The following TAB1 variants were observed in gnomAD, a reference collection of about 807,000 sequenced individuals.
TAB1 encodes the protein TGF-beta activated kinase 1 (MAP3K7) binding protein 1.
In TAB1, 30 loss-of-function variants were observed where a neutral mutation model predicts 54.5. That is an observed-to-expected ratio of 0.55 (90% CI 0.41 to 0.75). The LOEUF (loss-of-function observed/expected upper bound fraction) is 0.75. Ranked by LOEUF, TAB1 falls within the 30% of genes least tolerant of loss-of-function variation. TAB1 has a pLI of 0.00. For synonymous variants in TAB1, 289 were observed against 286.9 expected (o/e 1.01, Z -0.07); for missense variants, 609 against 683.2 (o/e 0.89, Z 1.21).
At chr22:39,420,043 A>G (rs1320318581) in intron 7 of TAB1, among the ~76,000 whole-genome samples, 1 of 152,188 alleles carries the variant, frequency 6.6e-6, no homozygotes, top group Admixed American at 6.5e-5. Context: ...CATGGGATGG[A>G]CAGACCAGGC....
intron 1 of TAB1, among the ~76,000 whole-genome samples, chr22:39,403,745 TCTC>T (rs1383148756): frequency 1.3e-5 from 2 of 151,746 alleles, no homozygotes; most frequent in African/African-American, 4.8e-5. Flanking sequence ...TTCACGCCAT[TCTC>T]CTGCCTCAGC....
intron 8 of TAB1, among the ~76,000 whole-genome samples, chr22:39,422,749 G>A (rs35391221): frequency 0.013 from 1,984 of 152,198 alleles, 43 homozygotes; most frequent in African/African-American, 0.046. Context: ...TTGTGAGATC[G>A]CAGTGAGGTT....
chr22:39,410,362 C>T (rs1926555480), intron 1 of TAB1, among the ~76,000 whole-genome samples: 1 of 152,194 alleles, frequency 6.6e-6, no homozygotes, highest in Non-Finnish European at 1.5e-5. Flanking sequence ...CCTGCCTCAG[C>T]CTCCCCAAGT....
chr22:39,431,561 T>TGACAGCTCTGTG lies in TAB1; in HGVS notation c.*1341_*1352dup, dbSNP rs1329127288. 13 of 985,356 alleles carry TGACAGCTCTGTG rather than the reference T, an allele frequency of 1.3e-5. No homozygotes were observed. The African/African-American group carries it at 2.3e-4, about 17-fold the overall frequency. The allele number at this position is 985,356 out of a possible 1,614,324, so 61.0% of individuals were successfully genotyped here. A position where few individuals can be genotyped will look rare whatever the true frequency, so the allele number is the denominator to read the frequency against. On this transcript the variant is annotated 3_prime_UTR_variant, in exon 11 of 11. Coordinates refer to ENST00000216160, the MANE Select transcript of TAB1 (RefSeq NM_006116.3). ...CTTGGTCTCTGCGAAGTCAAAGGCCTGACAGCTCTGTGGCCTGGGAATCCA... is the reference window on the plus strand; with the variant it reads ...CTTGGTCTCTGCGAAGTCAAAGGCCTGACAGCTCTGTGGACAGCTCTGTGGCCTGGGAATCCA...
downstream of TAB1, chr22:39,432,811 C>T (rs1405054643): frequency 2.0e-6 from 2 of 985,536 alleles, no homozygotes; most frequent in Admixed American, 6.2e-5. Flanking sequence ...TGTCCCCTGT[C>T]CCCAGCCTTG....
chr22:39,423,839 C>G lies in TAB1; in HGVS notation c.921+1868C>G, dbSNP rs189941659. ...TAGTGTTTTATAGTGTACATTGTAACTAATGTATAGTGTTTTATAGTGTAC... is the reference window on the plus strand; with the variant it reads ...TAGTGTTTTATAGTGTACATTGTAAGTAATGTATAGTGTTTTATAGTGTAC... On this transcript the variant is annotated intron_variant, in intron 8 of 10. Coordinates refer to ENST00000216160, the MANE Select transcript of TAB1 (RefSeq NM_006116.3). Among the ~76,000 whole-genome samples, 102 of 148,778 alleles carry G rather than the reference C, an allele frequency of 6.9e-4. 4 individuals are homozygous for G. In the East Asian group the frequency reaches 0.018, roughly 27 times the overall value.
intron 10 of TAB1, among the ~76,000 whole-genome samples, chr22:39,429,644 A>G (rs1453507250): frequency 2.0e-5 from 3 of 151,820 alleles, no homozygotes; most frequent in Admixed American, 6.6e-5. Context: ...TGCCTGGGTA[A>G]ATTTTTTTTG....
chr22:39,432,219 C>T (rs1927613721), downstream of TAB1, among the ~76,000 whole-genome samples: 1 of 152,200 alleles, frequency 6.6e-6, no homozygotes. Context: ...GAGAGTGAGC[C>T]TAGGGTCTTG....
intron 8 of TAB1, among the ~76,000 whole-genome samples, chr22:39,426,028 T>G (rs1220300281): frequency 6.6e-6 from 1 of 152,002 alleles, no homozygotes; most frequent in African/African-American, 2.4e-5. Flanking sequence ...CAGCTAATTT[T>G]TGTATTTTTA....
At chr22:39,404,906 G>T (rs1926297345) in intron 1 of TAB1, among the ~76,000 whole-genome samples, 1 of 152,202 alleles carries the variant, frequency 6.6e-6, no homozygotes, top group South Asian at 2.1e-4. Flanking sequence ...AGAGAAGTGG[G>T]TCATCCGGAA....
intron 7 of TAB1, among the ~76,000 whole-genome samples, chr22:39,420,775 CTGTGTGTGTGTG>C (rs71326771): frequency 2.1e-4 from 15 of 71,824 alleles, no homozygotes; most frequent in East Asian, 1.1e-3. Context: ...CACGGTGTCT[CTGTGTGTGTGTG>C]TGTGTGTGTG....
At chr22:39,421,364 A>G (rs914388639) in intron 7 of TAB1, among the ~76,000 whole-genome samples, 9 of 152,290 alleles carry the variant, frequency 5.9e-5, no homozygotes, top group African/African-American at 2.2e-4. Context: ...ATGTGCACAC[A>G]CATGTGTTGG....
chr22:39,417,947 C>T, intron 5 of TAB1, 98 bp downstream of exon 5: 3 of 1,451,034 alleles, frequency 2.1e-6, no homozygotes, highest in Non-Finnish European at 2.7e-6. Flanking sequence ...ACACTTCACG[C>T]ACTTTAAACC....
intron 1 of TAB1, among the ~76,000 whole-genome samples, chr22:39,403,694 A>T (rs550905305): frequency 1.4e-5 from 2 of 146,644 alleles, no homozygotes; most frequent in Admixed American, 7.0e-5. Context: ...GCTGGAGTGC[A>T]GTGGCGCAAT....
chr22:39,434,082 C>T (rs1415608671), downstream of TAB1, among the ~76,000 whole-genome samples: 2 of 152,190 alleles, frequency 1.3e-5, no homozygotes, highest in African/African-American at 4.8e-5. Context: ...GGCCGTGTGA[C>T]CTTGGGCAGT....
At chr22:39,424,967 G>T (rs973059821) in intron 8 of TAB1, among the ~76,000 whole-genome samples, 1 of 152,004 alleles carries the variant, frequency 6.6e-6, no homozygotes, top group Non-Finnish European at 1.5e-5. Context: ...CTCCTGCCCC[G>T]CCCAAAAGAA....
At chr22:39,424,357 C>A (rs1927225848) in intron 8 of TAB1, among the ~76,000 whole-genome samples, 1 of 151,956 alleles carries the variant, frequency 6.6e-6, no homozygotes, top group Admixed American at 6.6e-5. Context: ...AGGTAGATGC[C>A]CAGACTGCTG....
At position 39,418,857 on chromosome 22, in the gene TAB1, G is replaced by T. The variant is rs761897428; in HGVS notation, c.664+12G>T. The T allele has an allele frequency of 6.2e-7, 1 of 1,604,188 alleles. No homozygotes were observed. ...TCTTTCGCAGCTGGGTGAGTGGGGA[G>T]AGTGGGAGCGGAAGCTGATCCCCAT... On this transcript the variant is annotated intron_variant, in intron 6 of 10. Coordinates refer to ENST00000216160, the MANE Select transcript of TAB1 (RefSeq NM_006116.3).
At position 39,418,814 on chromosome 22, in the gene TAB1, C is replaced by T. The variant is rs777341316; in HGVS notation, c.633C>T (p.Asn211=). Residue 211 remains asparagine (N), a synonymous_variant, in exon 6 of 11, where the codon AAC becomes AAT. Transcript: ENST00000216160. The part of the protein sequence containing the change: ...TQLNVDHTTE[N]EDELFRLSQL... ...TGAACGTGGACCACACCACAGAGAA[C>T]GAGGATGAGCTCTTCCGTCTTTCGC... The T allele has an allele frequency of 4.7e-5, 76 of 1,613,962 alleles. No homozygotes were observed. The East Asian group carries it at 1.2e-3, about 26-fold the overall frequency.
Sources: allele counts gnomAD v4.1 joint callset (sites outside exome capture counted in the v4.1 genomes callset), GRCh38; gene constraint gnomAD v4.1.1; transcripts MANE v1.5; gene names NCBI Gene and HGNC (gene_info 2026-07-23, HGNC 2026-07-21).